Variants in DNM3 observed in about 807,000 individuals in gnomAD.
DNM3 encodes the protein dynamin 3, also known as dynamin-3.
DNM3 carries 47 observed loss-of-function variants against 101.6 expected under a neutral mutation model. That is an observed-to-expected ratio of 0.46 (90% CI 0.37 to 0.59). The LOEUF (loss-of-function observed/expected upper bound fraction) is 0.59. Among genes scored for constraint, DNM3 ranks in the 20% least tolerant of loss-of-function variants. The pLI, the probability that DNM3 is intolerant of heterozygous loss-of-function variation, is 0.00. For missense variants in DNM3, 849 were observed against 1,085.7 expected (o/e 0.78, Z 3.06); for synonymous variants, 385 against 387.9 (o/e 0.99, Z 0.09).
intron 1 of DNM3, among the ~76,000 whole-genome samples, chr1:171,862,424 A>G (rs914928223): frequency 1.3e-5 from 2 of 152,332 alleles, no homozygotes; most frequent in Non-Finnish European, 2.9e-5. Flanking sequence ...GGAATTAAGT[A>G]CTGATACAGG....
At chr1:172,098,124 G>C (rs370516130) in intron 13 of DNM3, among the ~76,000 whole-genome samples, 124 of 152,176 alleles carry the variant, frequency 8.1e-4, no homozygotes, top group African/African-American at 2.9e-3. Context: ...GCAGACAACC[G>C]GTCTGACCAA....
rs2071168581 is a variant in DNM3 at position 172,410,937 on chromosome 1, T to A, written c.*3096T>A. On this transcript the variant is annotated 3_prime_UTR_variant, in exon 21 of 21. Coordinates refer to ENST00000627582, the MANE Select transcript of DNM3 (RefSeq NM_015569.5). ...TTTCTGTGTACAAACACATTTTCTA[T>A]GCATGTGTCTCTGTGTATATGGCAT... is the stretch of plus-strand genomic sequence containing the variant. 2.0e-6 allele frequency: 2 copies of A among 985,206 alleles called. No homozygotes were observed. The highest frequency in any genetic ancestry group is 2.4e-6 in the Non-Finnish European group (2 of 829,836). 61.0% of individuals were successfully genotyped at this position (985,206 alleles called of 1,614,324 possible).
chr1:172,054,765 C>T (rs917620225), intron 10 of DNM3, among the ~76,000 whole-genome samples: 2 of 152,070 alleles, frequency 1.3e-5, no homozygotes, highest in African/African-American at 4.8e-5. Flanking sequence ...TCGAGACCAC[C>T]CTGGCCAACA....
At chr1:172,253,528 TCC>T (rs1459118354) in intron 14 of DNM3, 43 bp from the exon 15 acceptor site, 4 of 1,153,002 alleles carry the variant, frequency 3.5e-6, no homozygotes, top group Non-Finnish European at 4.8e-6. Context: ...TCCTCTCCTC[TCC>T]TCTCCTCTCC....
chr1:171,848,500 T>G (rs2032503583), intron 1 of DNM3, among the ~76,000 whole-genome samples: 1 of 152,214 alleles, frequency 6.6e-6, no homozygotes, highest in Non-Finnish European at 1.5e-5. Flanking sequence ...CAGGTGGGCA[T>G]TAGCTAGAAA....
chr1:172,016,842 G>A (rs922680150), intron 4 of DNM3, among the ~76,000 whole-genome samples: 2 of 151,734 alleles, frequency 1.3e-5, no homozygotes, highest in South Asian at 4.2e-4. Flanking sequence ...TCAAGAAATT[G>A]GTTCATTTTA....
At chr1:171,900,496 A>G (rs2038213511) in intron 1 of DNM3, among the ~76,000 whole-genome samples, 1 of 152,216 alleles carries the variant, frequency 6.6e-6, no homozygotes, top group South Asian at 2.1e-4. Context: ...AGCAGTATCA[A>G]GTTTTTCTGA....
chr1:172,018,815 T>C (rs1478624825), intron 4 of DNM3, among the ~76,000 whole-genome samples: 24 of 152,234 alleles, frequency 1.6e-4, no homozygotes, highest in Non-Finnish European at 1.5e-5. Flanking sequence ...GCTTTCTTTA[T>C]GTAGATCTGA....
chr1:172,092,220 C>A (rs911648424), intron 12 of DNM3, among the ~76,000 whole-genome samples: 3 of 152,166 alleles, frequency 2.0e-5, no homozygotes, highest in Non-Finnish European at 2.9e-5. Flanking sequence ...ATATTTGGAT[C>A]TACATGGCAG....
chr1:172,086,640 A>G (rs1021255669), intron 12 of DNM3, among the ~76,000 whole-genome samples: 15 of 152,234 alleles, frequency 9.9e-5, no homozygotes, highest in African/African-American at 3.6e-4. Flanking sequence ...GCCCTACAGT[A>G]TAGTGACTCC....
At chr1:172,154,593 T>C (rs2058266947) in intron 14 of DNM3, among the ~76,000 whole-genome samples, 1 of 152,116 alleles carries the variant, frequency 6.6e-6, no homozygotes, top group East Asian at 1.9e-4. Flanking sequence ...TGTTTAAAAC[T>C]AAAGTGAATG....
At chr1:171,958,216 C>T (rs1304257516) in intron 2 of DNM3, among the ~76,000 whole-genome samples, 1 of 152,170 alleles carries the variant, frequency 6.6e-6, no homozygotes, top group Non-Finnish European at 1.5e-5. Context: ...ACAAGAACAG[C>T]ATGGGAAAGA....
chr1:172,401,733 C>T (rs149097173), intron 20 of DNM3, among the ~76,000 whole-genome samples: 3,113 of 152,200 alleles, frequency 0.02, 39 homozygotes, highest in African/African-American at 0.038. Flanking sequence ...CATTCTGTTG[C>T]TACAGCCAAA....
Position 172,184,019 on chromosome 1 carries a change from A to C in DNM3, c.1659+52731A>C, listed in dbSNP as rs74126149. 6.2e-3 allele frequency among the ~76,000 whole-genome samples: 947 copies of C among 151,952 alleles called. 13 individuals carry two copies. The highest frequency in any genetic ancestry group is 0.021 in the African/African-American group (884 of 41,456). On this transcript the variant is annotated intron_variant, in intron 14 of 20. Transcript: ENST00000627582. Reference sequence around the variant, plus strand: ...ATAGCAAAATCTATGTTCTTGGCTCAGTTACACTCAAGTAATAGCTTGACC... The same window carrying C: ...ATAGCAAAATCTATGTTCTTGGCTCCGTTACACTCAAGTAATAGCTTGACC...
At chr1:172,231,949 G>C (rs1455026529) in intron 14 of DNM3, among the ~76,000 whole-genome samples, 1 of 152,182 alleles carries the variant, frequency 6.6e-6, no homozygotes, top group Non-Finnish European at 1.5e-5. Context: ...TATGTGAAAA[G>C]ACCAAATCTA....
intron 16 of DNM3, among the ~76,000 whole-genome samples, chr1:172,313,688 A>G (rs2148885975): frequency 6.6e-6 from 1 of 152,314 alleles, no homozygotes; most frequent in East Asian, 1.9e-4. Context: ...GAGTGACTTT[A>G]TAAGATTAAA....
chr1:171,941,188 C>G (rs12097783), intron 2 of DNM3, among the ~76,000 whole-genome samples: 2,910 of 152,134 alleles, frequency 0.019, 87 homozygotes, highest in African/African-American at 0.066. Flanking sequence ...TGACAAAGTG[C>G]TTACACTAAG....
At position 172,191,926 on chromosome 1, in the gene DNM3, C is replaced by T. The variant is rs547173010; in HGVS notation, c.1659+60638C>T. ...TTAAGGAGATTTGGGGCTGAGATGA[C>T]GGGTTTTTCTAAATATACCATCATG... On this transcript the variant is annotated intron_variant, in intron 14 of 20. Coordinates refer to ENST00000627582, the MANE Select transcript of DNM3 (RefSeq NM_015569.5). Among the ~76,000 whole-genome samples, 437 of 152,062 alleles carry T rather than the reference C, an allele frequency of 2.9e-3. 3 individuals carry two copies. Among genetic ancestry groups the T allele is most frequent in the African/African-American group, 9.9e-3 (412 of 41,486 alleles).
At chr1:172,122,898 G>T (rs948804777) in intron 13 of DNM3, among the ~76,000 whole-genome samples, 2 of 152,154 alleles carry the variant, frequency 1.3e-5, no homozygotes, top group South Asian at 4.2e-4. Flanking sequence ...CACCTATCGG[G>T]GAGGAAAATG....
Sources: allele counts gnomAD v4.1 joint callset (sites outside exome capture counted in the v4.1 genomes callset), GRCh38; gene constraint gnomAD v4.1.1; transcripts MANE v1.5; gene names NCBI Gene and HGNC (gene_info 2026-07-23, HGNC 2026-07-21).